The following TLR6 variants were observed in gnomAD, a reference collection of about 807,000 sequenced individuals.
TLR6 encodes the protein toll like receptor 6.
In TLR6, 9 loss-of-function variants were observed where a neutral mutation model predicts 16.1. That is an observed-to-expected ratio of 0.56 (90% CI 0.34 to 0.98). The LOEUF (loss-of-function observed/expected upper bound fraction) is 0.98, where lower values mean the gene tolerates loss of function less well. TLR6 is among the 50% of genes least tolerant of loss of function. The pLI, the probability that TLR6 is intolerant of heterozygous loss-of-function variation, is 0.02. For missense variants in TLR6, 786 were observed against 921.0 expected, an observed-to-expected ratio of 0.85 and a Z score of 1.90; for synonymous variants, 340 against 338.6, an observed-to-expected ratio of 1.00 and a Z score of -0.04.
chr4:38,840,706 G>A (rs865808903), intron 1 of TLR6, among the ~76,000 whole-genome samples: 1 of 151,896 alleles, frequency 6.6e-6, no homozygotes, highest in South Asian at 2.1e-4. Context: ...CCAAATGTGT[G>A]GTCTGTATAT....
chr4:38,854,677 A>T (rs1712899039), intron 1 of TLR6, among the ~76,000 whole-genome samples: 1 of 152,214 alleles, frequency 6.6e-6, no homozygotes. Flanking sequence ...GGTAATTTAC[A>T]TAAATTTCTT....
At chr4:38,828,586 ATCT>A (rs751256765) in exon 2 of TLR6, 23 of 1,613,806 alleles carry the variant, frequency 1.4e-5, no homozygotes, top group Non-Finnish European at 1.8e-5. Flanking sequence ...AATAAGTAAA[ATCT>A]TCTTCACGAA....
At chr4:38,853,565 C>G (rs959885803) in intron 1 of TLR6, among the ~76,000 whole-genome samples, 2 of 152,110 alleles carry the variant, frequency 1.3e-5, no homozygotes, top group Non-Finnish European at 2.9e-5. Context: ...CAATAAAAGA[C>G]TACAATAAAG....
chr4:38,824,826 T>G lies in TLR6; in HGVS notation c.*2257A>C, dbSNP rs1727471202. 3 of 152,216 alleles carry G rather than the reference T, an allele frequency of 2.0e-5. No homozygotes were observed. In the South Asian group the frequency reaches 6.2e-4, roughly 32 times the overall value. 9.4% of individuals were successfully genotyped at this position (152,216 alleles called of 1,614,324 possible). On this transcript the variant is annotated 3_prime_UTR_variant, in exon 2 of 2. Transcript: ENST00000436693. ...CTTTTAACTTTTTTGAGATGGAGTC[T>G]CACTCTGTTGCCCAGCGGGGAGTAC...
intron 1 of TLR6, among the ~76,000 whole-genome samples, chr4:38,848,165 T>G (rs980308359): frequency 2.0e-5 from 3 of 152,154 alleles, no homozygotes; most frequent in Non-Finnish European, 4.4e-5. Flanking sequence ...TGATACCCAG[T>G]CAAACAGGGT....
chr4:38,863,149 G>A, the TLR6 span, among the ~76,000 whole-genome samples: 238 of 151,976 alleles, frequency 1.6e-3, no homozygotes, highest in African/African-American at 5.3e-3. Context: ...CCAAATCCAC[G>A]GTCAATTCTC....
At chr4:38,832,304 G>A (rs1032443976) in intron 1 of TLR6, among the ~76,000 whole-genome samples, 2 of 152,164 alleles carry the variant, frequency 1.3e-5, no homozygotes, top group African/African-American at 2.4e-5. Flanking sequence ...GGAATTCAGC[G>A]GAGAAGTGAC....
At chr4:38,848,263 C>T (rs1408949258) in intron 1 of TLR6, among the ~76,000 whole-genome samples, 1 of 152,142 alleles carries the variant, frequency 6.6e-6, no homozygotes, top group Non-Finnish European at 1.5e-5. Context: ...AAAGGACATC[C>T]ACACCAAAAA....
chr4:38,826,483 G>C (rs1043683704), exon 2 of TLR6: 1 of 152,204 alleles, frequency 6.6e-6, no homozygotes, highest in Non-Finnish European at 1.5e-5. Flanking sequence ...CACCTCAACA[G>C]CTTATGATTA....
intron 1 of TLR6, among the ~76,000 whole-genome samples, chr4:38,839,275 A>AC (rs920232667): frequency 3.3e-5 from 5 of 151,228 alleles, no homozygotes; most frequent in Admixed American, 6.6e-5. Context: ...ACAAAAAAAA[A>AC]CTGCTCTAAA....
exon 2 of TLR6, chr4:38,824,540 T>C (rs1393602528): frequency 6.6e-6 from 1 of 152,228 alleles, no homozygotes; most frequent in African/African-American, 2.4e-5. Flanking sequence ...TCTGATTATT[T>C]AGAATCTGTG....
At chr4:38,858,873 AAGAAAGAAAGAAAGAG>A (rs1200511638), upstream of TLR6, among the ~76,000 whole-genome samples, 5,890 of 134,830 alleles carry the variant, frequency 0.044, 486 homozygotes, top group Middle Eastern at 0.075. Flanking sequence ...GAAAGAAAGA[AAGAAAGAAAGAAAGAG>A]AGAAAGAAAG....
chr4:38,847,296 AG>A (rs544433892), intron 1 of TLR6, among the ~76,000 whole-genome samples: 1 of 152,128 alleles, frequency 6.6e-6, no homozygotes, highest in African/African-American at 2.4e-5. Context: ...TGCACACATT[AG>A]GGGGGGTGGT....
the TLR6 span, chr4:38,868,199 C>T: frequency 2.6e-5 from 5 of 190,398 alleles, no homozygotes; most frequent in Non-Finnish European, 5.8e-5. Flanking sequence ...GTCCTGGCAC[C>T]AAGCAAGTCT....
At chr4:38,855,198 C>T (rs1209321919) in intron 1 of TLR6, among the ~76,000 whole-genome samples, 1 of 126,622 alleles carries the variant, frequency 7.9e-6, no homozygotes, top group Non-Finnish European at 1.6e-5. Context: ...GGCGACAGAG[C>T]AAGACTCCGT....
upstream of TLR6, among the ~76,000 whole-genome samples, chr4:38,859,145 G>A (rs995784737): frequency 6.6e-6 from 1 of 152,218 alleles, no homozygotes; most frequent in Non-Finnish European, 1.5e-5. Flanking sequence ...AACCCAGGCA[G>A]TTTGGCCCCA....
At chr4:38,828,194 A>G (rs5743815) in exon 2 of TLR6, 30,278 of 1,613,986 alleles carry the variant, frequency 0.019, 464 homozygotes, top group Admixed American at 0.072. Flanking sequence ...TATACTCTCA[A>G]CCCAAGTGCA....
the TLR6 span, among the ~76,000 whole-genome samples, chr4:38,862,975 T>A: frequency 6.8e-6 from 1 of 146,702 alleles, no homozygotes; most frequent in African/African-American, 2.5e-5. Flanking sequence ...ATCCACAACC[T>A]TCCCCTCCTT....
At chr4:38,848,873 G>T (rs1443540323) in intron 1 of TLR6, among the ~76,000 whole-genome samples, 5 of 152,204 alleles carry the variant, frequency 3.3e-5, no homozygotes, top group Non-Finnish European at 1.5e-5. Context: ...TTATCCAGGA[G>T]AAATTCACCA....
Sources: allele counts gnomAD v4.1 joint callset (sites outside exome capture counted in the v4.1 genomes callset), GRCh38; gene constraint gnomAD v4.1.1; transcripts MANE v1.5; gene names NCBI Gene and HGNC (gene_info 2026-07-23, HGNC 2026-07-21).